Variants in MROH2B observed in about 807,000 individuals in gnomAD.
MROH2B encodes the protein maestro heat-like repeat-containing protein family member 2B.
MROH2B carries 177 observed loss-of-function variants against 208.6 expected under a neutral mutation model. The ratio of observed to expected loss-of-function variants is 0.85; its 90% CI spans 0.75 to 0.96. The LOEUF is 0.96. Among genes scored for constraint, MROH2B ranks in the 40% least tolerant of loss-of-function variants. The pLI is 0.00. For missense variants in MROH2B, 2,002 were observed against 1,878.7 expected (o/e 1.07, Z -1.21); for synonymous variants, 728 against 659.0 (o/e 1.10, Z -1.60).
chr5:40,998,617 G>A lies in MROH2B; in HGVS notation c.4646C>T (p.Thr1549Ile). The part of the protein sequence containing the change: ...YVELLDREQL[T>I]TRLQALRQDP... ...GAAACTAGGTTGGTACTCACGTGTG[G>A]TCAGTTGTTCTCTGTCTAGTAACTC... The change falls in exon 41 of 42, where the codon ACC becomes ATC. Residue 1549 changes from threonine to isoleucine, a missense_variant. Transcript: ENST00000399564. 2 of 1,595,290 alleles carry A rather than the reference G, an allele frequency of 1.3e-6. No homozygotes were observed. Among genetic ancestry groups the A allele is most frequent in the Middle Eastern group, 1.7e-4 (1 of 6,032 alleles).
rs745543721 is a variant in MROH2B at position 41,038,827 on chromosome 5, A to G, written c.2123T>C (p.Val708Ala). The G allele has an allele frequency of 6.2e-7, 1 of 1,613,490 alleles. No homozygotes were observed. The highest frequency in any genetic ancestry group is 1.7e-5 in the Admixed American group (1 of 60,018). ...KTDVMVIYGA[V>A]ALHAPKKQLL... ...TTGCTTCTTGGGAGCATGGAGGGCCACTGCTCCATAGATGACCATGACATC... is the reference window on the plus strand; with the variant it reads ...TTGCTTCTTGGGAGCATGGAGGGCCGCTGCTCCATAGATGACCATGACATC... Residue 708 changes from valine to alanine, a missense_variant, in exon 21 of 42, where the codon GTG becomes GCG. Physicochemically the swap from Val to Ala is moderately conservative, Grantham distance 64. Coordinates refer to ENST00000399564, the MANE Select transcript of MROH2B (RefSeq NM_173489.5).
Position 41,070,922 on chromosome 5 carries a change from A to T in MROH2B, c.-70T>A. 1 of 1,534,764 alleles carries T rather than the reference A, an allele frequency of 6.5e-7. No individual in the cohort carries two copies. The highest frequency in any genetic ancestry group is 1.4e-5 in the African/African-American group (1 of 73,196). On this transcript the variant is annotated 5_prime_UTR_variant, in exon 1 of 42. Transcript: ENST00000399564. ...AGAAATAGTAAGGCTAAAAAATCAA[A>T]GAGGCAGGTTGGCAAGTTTCTCATA...
chr5:41,069,765 GA>G lies in MROH2B; in HGVS notation c.29-14del. The G allele has an allele frequency of 6.4e-7, 1 of 1,571,886 alleles. No individual in the cohort carries two copies. The highest frequency in any genetic ancestry group is 8.7e-7 in the Non-Finnish European group (1 of 1,148,172). Reference sequence around the variant, plus strand: ...TCCCCAAACATCTCTAAAACGTACAGAAAAATATGAATTGAAATATATGCTG... The same window carrying G: ...TCCCCAAACATCTCTAAAACGTACAGAAAATATGAATTGAAATATATGCTG... On this transcript the variant is annotated splice_polypyrimidine_tract_variant and intron_variant, in intron 1 of 41. Transcript: ENST00000399564.
At chr5:41,037,459 A>G (rs1361418681) in intron 21 of MROH2B, among the ~76,000 whole-genome samples, 1 of 152,208 alleles carries the variant, frequency 6.6e-6, no homozygotes, top group Non-Finnish European at 1.5e-5. Flanking sequence ...GTGATTCATT[A>G]GGCATCTCTA....
rs1741263320 is a variant in MROH2B, at chr5:40,998,088, G to A, written c.4722C>T (p.Leu1574=). The change falls in exon 42 of 42, where the codon CTC becomes CTT. Residue 1574 remains leucine, a synonymous_variant. Coordinates refer to ENST00000399564, the MANE Select transcript of MROH2B (RefSeq NM_173489.5). ...QRAAEAALQT[L]LRRCKETSIP... is the part of the protein sequence containing the mutation. ...TGCTTGTCTCTTTACACCTTCTCAGGAGGGTTTGCAAAGCAGCCTCAGCTG... is the reference window on the plus strand; with the variant it reads ...TGCTTGTCTCTTTACACCTTCTCAGAAGGGTTTGCAAAGCAGCCTCAGCTG... The A allele has an allele frequency of 6.2e-7, 1 of 1,612,426 alleles. No homozygotes were observed. Among genetic ancestry groups the A allele is most frequent in the Non-Finnish European group, 8.5e-7 (1 of 1,178,692 alleles).
At chr5:41,066,963 G>A in intron 3 of MROH2B, 145 bp downstream of exon 3, 1 of 638,488 alleles carries the variant, frequency 1.6e-6, no homozygotes, top group East Asian at 2.9e-5. Context: ...TAAATATCAG[G>A]CATTATAACG....
chr5:41,024,752 A>G (rs1742289412), intron 24 of MROH2B, among the ~76,000 whole-genome samples: 1 of 152,230 alleles, frequency 6.6e-6, no homozygotes, highest in African/African-American at 2.4e-5. Flanking sequence ...GCACCACGTC[A>G]CACTTATTCC....
chr5:41,000,855 G>A (rs371588819), intron 37 of MROH2B, 22 bp from the exon 38 acceptor site: 62 of 1,599,178 alleles, frequency 3.9e-5, no homozygotes, highest in Admixed American at 2.8e-4. Flanking sequence ...AATGCATGTC[G>A]TGGTGAATAT....
chr5:41,022,840 C>T (rs188547990), intron 24 of MROH2B, among the ~76,000 whole-genome samples: 18 of 152,256 alleles, frequency 1.2e-4, no homozygotes, highest in African/African-American at 4.1e-4. Flanking sequence ...GCCTCTGAGA[C>T]GAAGCTTCCA....
Position 41,004,464 on chromosome 5 carries a change from G to T in MROH2B, c.4076C>A (p.Thr1359Asn). 1.9e-6 allele frequency: 3 copies of T among 1,613,992 alleles called. No homozygotes were observed. In the South Asian group the frequency reaches 3.3e-5, roughly 18 times the overall value. ...IIRGLYHLARTEVVCESLKAL... is the reference protein window; with the variant it reads ...IIRGLYHLARNEVVCESLKAL... ...CTTCAAGCTTTCACAGACGACTTCA[G>T]TGCGAGCTAGGTGATACAGGCCTCT... Residue 1359 changes from threonine (T) to asparagine (N), a missense_variant, in exon 37 of 42, where the codon ACT becomes AAT. Physicochemically the swap from Thr to Asn is moderately conservative, Grantham distance 65. Transcript: ENST00000399564.
intron 5 of MROH2B, among the ~76,000 whole-genome samples, chr5:41,062,736 C>A (rs1378852093): frequency 6.6e-6 from 1 of 152,114 alleles, no homozygotes; most frequent in African/African-American, 2.4e-5. Context: ...AGCTGTAGAG[C>A]CGGCCATTTA....
At position 41,053,007 on chromosome 5, in the gene MROH2B, TGAAA is replaced by T. The variant is rs146281831; in HGVS notation, c.1108-424_1108-421del. ...GGAGAAGAAAGTGAGTGATAGGTTATGAAAGAGTCACCAGAAATGCTCTCTTTAG... is the reference window on the plus strand; with the variant it reads ...GGAGAAGAAAGTGAGTGATAGGTTATGAGTCACCAGAAATGCTCTCTTTAG... On this transcript the variant is annotated intron_variant, in intron 11 of 41. Transcript: ENST00000399564. Among the ~76,000 whole-genome samples the T allele has an allele frequency of 1.7e-3, 254 of 152,324 alleles. 6 individuals are homozygous for T. In the East Asian group the frequency reaches 0.047, roughly 28 times the overall value.
intron 38 of MROH2B, 71 bp downstream of exon 38, chr5:41,000,607 A>G: frequency 6.6e-7 from 1 of 1,509,446 alleles, no homozygotes. Flanking sequence ...TGGTGCAGCT[A>G]GACCAGGCTT....
chr5:41,025,442 G>A (rs1342157826), intron 24 of MROH2B, among the ~76,000 whole-genome samples: 2 of 152,112 alleles, frequency 1.3e-5, no homozygotes, highest in Non-Finnish European at 2.9e-5. Context: ...TAGAAGAAAT[G>A]GATAAATTCC....
chr5:41,015,599 C>T (rs978431262), intron 28 of MROH2B, 121 bp from the exon 29 acceptor site: 18 of 787,612 alleles, frequency 2.3e-5, no homozygotes, highest in Middle Eastern at 2.4e-4. Context: ...TGAACATAAG[C>T]GCTAACACAT....
At chr5:41,033,914 G>T (rs144727634) in intron 21 of MROH2B, 50 bp from the exon 22 acceptor site, 1 of 1,546,666 alleles carries the variant, frequency 6.5e-7, no homozygotes, top group African/African-American at 1.4e-5. Context: ...GGCATTGAGA[G>T]ATATACCCAA....
rs1743208689 is a variant in MROH2B, at chr5:41,049,143, T to C, written c.1502-2A>G. Reference sequence around the variant, plus strand: ...GCTGCTGTGGTGAAGGAAGTTTCACTAGAAAGAGAAAGCAATTTTCATCAT... The same window carrying C: ...GCTGCTGTGGTGAAGGAAGTTTCACCAGAAAGAGAAAGCAATTTTCATCAT... On this transcript the variant is annotated splice_acceptor_variant, in intron 14 of 41. Transcript: ENST00000399564. LOFTEE classifies it high-confidence loss of function. The C allele has an allele frequency of 6.2e-7, 1 of 1,601,414 alleles. No individual in the cohort carries two copies. The highest frequency in any genetic ancestry group is 1.3e-5 in the African/African-American group (1 of 74,752).
rs1025736455 is a variant in MROH2B, at chr5:40,999,638, G to A, written c.4585+39C>T. On this transcript the variant is annotated intron_variant, in intron 40 of 41. Coordinates refer to ENST00000399564, the MANE Select transcript of MROH2B (RefSeq NM_173489.5). ...GTCAAAGCAAAACTAGGTGGAAAAAGCAGACATATCTGGGTAGGAAATGGG... is the reference window on the plus strand; with the variant it reads ...GTCAAAGCAAAACTAGGTGGAAAAAACAGACATATCTGGGTAGGAAATGGG... 2.6e-6 allele frequency: 4 copies of A among 1,551,382 alleles called. No homozygotes were observed. The Admixed American group carries it at 5.3e-5, about 21-fold the overall frequency.
Position 41,033,828 on chromosome 5 carries a change from T to TCTATCTAC in MROH2B, c.2241+9_2241+10insGTAGATAG. ...ATCTATCTATCTATCTATCTATCTATCTCTCCTACCTTGTTCATCACAGAC... is the reference window on the plus strand; with the variant it reads ...ATCTATCTATCTATCTATCTATCTATCTATCTACCTCTCCTACCTTGTTCATCACAGAC... On this transcript the variant is annotated intron_variant, in intron 22 of 41. Transcript: ENST00000399564. The TCTATCTAC allele has an allele frequency of 6.6e-7, 1 of 1,504,560 alleles. No individual in the cohort carries two copies. The highest frequency in any genetic ancestry group is 9.0e-7 in the Non-Finnish European group (1 of 1,113,682). The allele number at this position is 1,504,560 out of a possible 1,614,324, so 93.2% of individuals were successfully genotyped here. A position where few individuals can be genotyped will look rare whatever the true frequency, so the allele number is the denominator to read the frequency against.
Sources: allele counts gnomAD v4.1 joint callset (sites outside exome capture counted in the v4.1 genomes callset), GRCh38; gene constraint gnomAD v4.1.1; transcripts MANE v1.5; gene names NCBI Gene and HGNC (gene_info 2026-07-23, HGNC 2026-07-21).